DENND6A: variants seen among roughly 807,000 people sequenced by gnomAD.
The protein encoded by DENND6A is DENN domain containing 6A.
DENND6A carries 43 observed loss-of-function variants against 95.5 expected under a neutral mutation model. That is an observed-to-expected ratio of 0.45 (90% confidence interval 0.35 to 0.58). DENND6A has a LOEUF of 0.58. DENND6A is among the 20% of genes least tolerant of loss of function. DENND6A has a pLI of 0.00. For synonymous variants in DENND6A, 257 were observed against 260.4 expected (o/e 0.99, Z 0.13); for missense variants, 574 against 736.0 (o/e 0.78, Z 2.55).
At chr3:57,658,944 C>A (rs1428702391) in intron 8 of DENND6A, among the ~76,000 whole-genome samples, 174 bp downstream of exon 8, 1 of 152,010 alleles carries the variant, frequency 6.6e-6, no homozygotes, top group African/African-American at 2.4e-5. Context: ...AGAAAAAAGA[C>A]CCTAAGAAAC....
rs149186660 is a variant in DENND6A at position 57,653,517 on chromosome 3, G to A, written c.818+4163C>T. On this transcript the variant is annotated intron_variant, in intron 9 of 19. Transcript: ENST00000311128. ...TCCCAGCACTTTGGGAGGCTGAGGC[G>A]GGCAGATCGTGAGGTCAGGAGATCG... Among the ~76,000 whole-genome samples, 751 of 151,976 alleles carry A rather than the reference G, an allele frequency of 4.9e-3. 4 individuals carry two copies. The highest frequency in any genetic ancestry group is 0.017 in the African/African-American group (711 of 41,458).
At chr3:57,674,831 T>C (rs2071683226) in intron 1 of DENND6A, among the ~76,000 whole-genome samples, 1 of 152,186 alleles carries the variant, frequency 6.6e-6, no homozygotes, top group South Asian at 2.1e-4. Flanking sequence ...GGAACACGGA[T>C]GAAGCTGGAG....
intron 11 of DENND6A, among the ~76,000 whole-genome samples, chr3:57,645,417 T>C (rs1416646273): frequency 6.6e-6 from 1 of 152,062 alleles, no homozygotes; most frequent in Non-Finnish European, 1.5e-5. Context: ...GCCGAGATCA[T>C]GCCACTGCAC....
intron 1 of DENND6A, among the ~76,000 whole-genome samples, chr3:57,674,903 T>A (rs995049488): frequency 6.6e-6 from 1 of 152,162 alleles, no homozygotes; most frequent in Admixed American, 6.5e-5. Flanking sequence ...TTGTCTCTTA[T>A]AAGTGGGAGG....
In DENND6A at chr3:57,641,773, T is replaced by C. The variant is rs9873675; in HGVS notation, c.1038-26A>G. On this transcript the variant is annotated intron_variant, in intron 11 of 19. Coordinates refer to ENST00000311128, the MANE Select transcript of DENND6A (RefSeq NM_152678.3). The stretch of plus-strand genomic sequence containing the variant: ...CTATAAAAAACAAAACAAAACAAAA[T>C]AAAAAAGGTGAGAAAAAGATGAATG... 0.84 allele frequency: 1,322,041 copies of C among 1,578,474 alleles called. 555,386 individuals carry two copies. The highest frequency in any genetic ancestry group is 1 in the East Asian group (44,472 of 44,524).
intron 3 of DENND6A, among the ~76,000 whole-genome samples, chr3:57,671,179 G>A (rs531225255): frequency 6.6e-6 from 1 of 152,060 alleles, no homozygotes; most frequent in Admixed American, 6.6e-5. Context: ...AAAAAATTTT[G>A]TTTAACTGTC....
At chr3:57,674,987 G>A (rs1422862830) in intron 1 of DENND6A, among the ~76,000 whole-genome samples, 3 of 152,182 alleles carry the variant, frequency 2.0e-5, no homozygotes, top group African/African-American at 7.2e-5. Flanking sequence ...GGTGGAGGGT[G>A]GGAGGAGGGA....
In DENND6A at chr3:57,693,027, C is replaced by T. The variant is rs1331127277; in HGVS notation, c.-9G>A. ...GGGCCCCTCAAAGCCATCGGCCGCC[C>T]CCTGACCGTTCGCGCCGCCTCCACA... On this transcript the variant is annotated 5_prime_UTR_variant, in exon 1 of 20. Coordinates refer to ENST00000311128, the MANE Select transcript of DENND6A (RefSeq NM_152678.3). 1 of 1,408,890 alleles carries T rather than the reference C, an allele frequency of 7.1e-7. No homozygotes were observed. Among genetic ancestry groups the T allele is most frequent in the East Asian group, 3.0e-5 (1 of 33,740 alleles). The allele number at this position is 1,408,890 out of a possible 1,614,324, so 87.3% of individuals were successfully genotyped here.
intron 1 of DENND6A, among the ~76,000 whole-genome samples, chr3:57,679,880 C>G (rs1182276784): frequency 6.6e-6 from 1 of 152,082 alleles, no homozygotes; most frequent in African/African-American, 2.4e-5. Flanking sequence ...ATTACAAATG[C>G]AACAGACAGC....
At chr3:57,672,611 C>T (rs1017233291) in intron 1 of DENND6A, among the ~76,000 whole-genome samples, 173 bp from the exon 2 acceptor site, 3 of 152,096 alleles carry the variant, frequency 2.0e-5, no homozygotes, top group Non-Finnish European at 4.4e-5. Context: ...GCCGAAACCC[C>T]GTCTCTACTA....
chr3:57,633,839 C>A (rs773507517), intron 14 of DENND6A, among the ~76,000 whole-genome samples: 1 of 151,000 alleles, frequency 6.6e-6, no homozygotes, highest in Non-Finnish European at 1.5e-5. Flanking sequence ...TGCAGTGAGC[C>A]GAGATTGTGC....
At chr3:57,683,281 A>C (rs1468037633) in intron 1 of DENND6A, among the ~76,000 whole-genome samples, 1 of 152,218 alleles carries the variant, frequency 6.6e-6, no homozygotes, top group Non-Finnish European at 1.5e-5. Context: ...TATTTCAGAA[A>C]AACTCAATAA....
intron 12 of DENND6A, among the ~76,000 whole-genome samples, chr3:57,640,163 G>A (rs1201482765): frequency 1.3e-5 from 2 of 151,738 alleles, no homozygotes; most frequent in African/African-American, 4.8e-5. Context: ...CAGCTCCTTG[G>A]GAGGCTGAGG....
chr3:57,657,598 T>C, intron 9 of DENND6A, 82 bp downstream of exon 9: 1 of 902,616 alleles, frequency 1.1e-6, no homozygotes, highest in South Asian at 1.6e-5. Context: ...CCACATCCTA[T>C]ATAATATTCA....
At chr3:57,671,826 A>T (rs978155580) in intron 3 of DENND6A, among the ~76,000 whole-genome samples, 1 of 152,174 alleles carries the variant, frequency 6.6e-6, no homozygotes, top group African/African-American at 2.4e-5. Flanking sequence ...ACCCATATAA[A>T]CTACTGCACG....
chr3:57,689,891 C>A (rs999256075), intron 1 of DENND6A, among the ~76,000 whole-genome samples: 20 of 152,020 alleles, frequency 1.3e-4, no homozygotes, highest in Non-Finnish European at 2.1e-4. Context: ...TAGCAAGACC[C>A]TGTCCCCACA....
At chr3:57,638,100 C>T (rs1232044433) in intron 12 of DENND6A, among the ~76,000 whole-genome samples, 1 of 152,050 alleles carries the variant, frequency 6.6e-6, no homozygotes, top group Non-Finnish European at 1.5e-5. Context: ...TGCCACCGTA[C>T]TCCAGCCTGG....
intron 12 of DENND6A, among the ~76,000 whole-genome samples, chr3:57,636,936 CAA>C (rs60350642): frequency 2.5e-4 from 13 of 51,994 alleles, no homozygotes; most frequent in Admixed American, 6.0e-4. Flanking sequence ...GACTCTGTCT[CAA>C]AAAAAAAAAA....
At chr3:57,664,628 A>T (rs2071497079) in intron 4 of DENND6A, among the ~76,000 whole-genome samples, 1 of 152,036 alleles carries the variant, frequency 6.6e-6, no homozygotes, top group African/African-American at 2.4e-5. Flanking sequence ...AGGTCAGGAG[A>T]TCAAGACCAT....
Sources: allele counts gnomAD v4.1 joint callset (sites outside exome capture counted in the v4.1 genomes callset), GRCh38; gene constraint gnomAD v4.1.1; transcripts MANE v1.5; gene names NCBI Gene and HGNC (gene_info 2026-07-23, HGNC 2026-07-21).